Variants in RNF180 observed in about 807,000 individuals in gnomAD.
The protein encoded by RNF180 is E3 ubiquitin-protein ligase RNF180.
A neutral mutation model predicts 59.2 loss-of-function variants in RNF180; 38 were observed. The ratio of observed to expected loss-of-function variants is 0.64; its 90% CI spans 0.50 to 0.84. The LOEUF (loss-of-function observed/expected upper bound fraction) is 0.84, where lower values mean the gene tolerates loss of function less well. Ranked by LOEUF, RNF180 falls within the 40% of genes least tolerant of loss-of-function variation. RNF180 has a pLI of 0.00. For synonymous variants in RNF180, 262 were observed against 240.3 expected (o/e 1.09, Z -0.84); for missense variants, 705 against 700.9 (o/e 1.01, Z -0.07).
At chr5:64,172,044 G>A (rs762836635) in intron 1 of RNF180, among the ~76,000 whole-genome samples, 2 of 152,172 alleles carry the variant, frequency 1.3e-5, no homozygotes, top group Non-Finnish European at 2.9e-5. Context: ...TTTTATAACA[G>A]TAATGTCTTT....
intron 7 of RNF180, among the ~76,000 whole-genome samples, chr5:64,353,878 C>G (rs1372962364): frequency 6.6e-6 from 1 of 151,460 alleles, no homozygotes; most frequent in Non-Finnish European, 1.5e-5. Flanking sequence ...CCAGTTGGGT[C>G]AAAGAAGAAA....
rs944431959 is a variant in RNF180 at position 64,264,436 on chromosome 5, T to A, written c.1227+47040T>A. 4.0e-5 allele frequency among the ~76,000 whole-genome samples: 6 copies of A among 151,724 alleles called. No individual in the cohort carries two copies. In the South Asian group the frequency reaches 1.3e-3, roughly 32 times the overall value. On this transcript the variant is annotated intron_variant, in intron 5 of 7. Transcript: ENST00000389100. ...TGGTATTCCCCTCCCGGTGTCCATG[T>A]GTTCTCATTGTTCAGTTCCCACTTA...
chr5:64,214,010 A>C lies in RNF180; in HGVS notation c.684A>C (p.Ser228=). ...RCATRAFHRK[S]HSLDLNISEK... is the part of the protein sequence containing the mutation. ...CTACAAGAGCTTTTCATAGAAAATC[A>C]CATAGTTTGGATCTGAACATCAGTG... The change falls in exon 4 of 8, where the codon TCA becomes TCC. Residue 228 remains serine, a synonymous_variant. Transcript: ENST00000389100. 5.6e-6 allele frequency: 9 copies of C among 1,614,178 alleles called. No homozygotes were observed. The highest frequency in any genetic ancestry group is 6.8e-6 in the Non-Finnish European group (8 of 1,180,016).
chr5:64,251,646 G>A (rs527337724), intron 5 of RNF180, among the ~76,000 whole-genome samples: 2 of 152,134 alleles, frequency 1.3e-5, no homozygotes, highest in East Asian at 3.9e-4. Context: ...GGATGGTCTG[G>A]CCTCAGGCAA....
At position 64,213,690 on chromosome 5, in the gene RNF180, T is replaced by A. The variant is rs140094514; in HGVS notation, c.364T>A (p.Tyr122Asn). ...AVHLSKSRTDYQPTQAGRLMR... is the reference protein window; with the variant it reads ...AVHLSKSRTDNQPTQAGRLMR... ...ACATCTCTCCAAGAGCCGGACTGAT[T>A]ATCAGCCAACACAGGCAGGCAGACT... The change falls in exon 4 of 8, where the codon TAT becomes AAT. Residue 122 changes from tyrosine (Y) to asparagine (N), a missense_variant. Physicochemically the swap from Tyr to Asn is moderately radical, Grantham distance 143 (BLOSUM62 -2). Coordinates refer to ENST00000389100, the MANE Select transcript of RNF180 (RefSeq NM_001113561.2). 6.2e-6 allele frequency: 10 copies of A among 1,614,128 alleles called. No individual in the cohort carries two copies. The African/African-American group carries it at 1.1e-4, about 17-fold the overall frequency.
At chr5:64,270,204 G>A (rs766145942) in intron 5 of RNF180, among the ~76,000 whole-genome samples, 6 of 150,552 alleles carry the variant, frequency 4.0e-5, no homozygotes, top group Admixed American at 2.0e-4. Flanking sequence ...GGAGACTACC[G>A]TAATTGATAA....
At chr5:64,293,774 C>T (rs895479274) in intron 5 of RNF180, among the ~76,000 whole-genome samples, 1 of 152,062 alleles carries the variant, frequency 6.6e-6, no homozygotes, top group African/African-American at 2.4e-5. Flanking sequence ...TCAAAGAAAG[C>T]ACTGTTTCTT....
intron 5 of RNF180, among the ~76,000 whole-genome samples, chr5:64,229,982 CTT>C (rs1041311700): frequency 1.3e-5 from 2 of 152,108 alleles, no homozygotes; most frequent in Admixed American, 6.6e-5. Flanking sequence ...CTAATTATAC[CTT>C]TTTTTGTCCA....
intron 1 of RNF180, 36 bp from the exon 2 acceptor site, chr5:64,200,772 G>A (rs905288424): frequency 6.3e-7 from 1 of 1,587,268 alleles, no homozygotes; most frequent in African/African-American, 1.3e-5. Context: ...TTATCTGACA[G>A]TTTAACATTC....
rs1030597434 is a variant in RNF180 at position 64,371,121 on chromosome 5, A to G, written c.*1307A>G. On this transcript the variant is annotated 3_prime_UTR_variant, in exon 8 of 8. Transcript: ENST00000389100. ...TGGTATGTGATGTTCTAAGAAAACT[A>G]GAAGAATGGTACTGATTTCTATTCT... 6.6e-6 allele frequency: 1 copy of G among 151,688 alleles called. No homozygotes were observed. Among genetic ancestry groups the G allele is most frequent in the African/African-American group, 2.4e-5 (1 of 41,402 alleles). The allele number at this position is 151,688 out of a possible 1,614,324, so 9.4% of individuals were successfully genotyped here. A position where few individuals can be genotyped will look rare whatever the true frequency, so the allele number is the denominator to read the frequency against.
Position 64,210,031 on chromosome 5 carries a change from T to TA in RNF180, c.136-2033dup, listed in dbSNP as rs763950277. Reference sequence around the variant, plus strand: ...GAAAAGCTAGTCATGACTGAACTGTTATTGTAAATTAATCACTATTAGAAC... The same window carrying TA: ...GAAAAGCTAGTCATGACTGAACTGTTAATTGTAAATTAATCACTATTAGAAC... On this transcript the variant is annotated intron_variant, in intron 2 of 7. Coordinates refer to ENST00000389100, the MANE Select transcript of RNF180 (RefSeq NM_001113561.2). Among the ~76,000 whole-genome samples the TA allele has an allele frequency of 6.6e-4, 100 of 152,240 alleles. 1 individual carries two copies. Among genetic ancestry groups the TA allele is most frequent in the African/African-American group, 2.4e-3 (98 of 41,566 alleles).
intron 5 of RNF180, among the ~76,000 whole-genome samples, chr5:64,280,590 G>A (rs549383305): frequency 1.3e-5 from 2 of 149,720 alleles, no homozygotes; most frequent in Admixed American, 6.6e-5. Context: ...TTTTTTTGTC[G>A]ACTTTGTTGA....
intron 7 of RNF180, among the ~76,000 whole-genome samples, chr5:64,347,011 A>G (rs529490726): frequency 1.3e-5 from 2 of 152,344 alleles, no homozygotes; most frequent in East Asian, 3.9e-4. Flanking sequence ...AATAAAAGAG[A>G]CGAACAGTGT....
chr5:64,338,963 G>C (rs1745244058), intron 7 of RNF180, among the ~76,000 whole-genome samples: 1 of 151,988 alleles, frequency 6.6e-6, no homozygotes. Flanking sequence ...TTATTTATGA[G>C]TAAAATTGTA....
chr5:64,259,857 G>T (rs904291786), intron 5 of RNF180, among the ~76,000 whole-genome samples: 2 of 152,026 alleles, frequency 1.3e-5, no homozygotes, highest in Non-Finnish European at 2.9e-5. Context: ...GGAGGCGGAG[G>T]TTGTGGTGAG....
chr5:64,268,245 C>T (rs1228215369), intron 5 of RNF180, among the ~76,000 whole-genome samples: 1 of 152,110 alleles, frequency 6.6e-6, no homozygotes, highest in Non-Finnish European at 1.5e-5. Flanking sequence ...TTACAATAGA[C>T]ACAGCAGCAG....
At chr5:64,256,646 G>C (rs529420943) in intron 5 of RNF180, among the ~76,000 whole-genome samples, 122 of 152,284 alleles carry the variant, frequency 8.0e-4, no homozygotes, top group East Asian at 6.2e-3. Context: ...GATGCCTCCA[G>C]CTTTGTTCTT....
At chr5:64,317,866 C>G (rs1744144404) in intron 5 of RNF180, among the ~76,000 whole-genome samples, 1 of 152,128 alleles carries the variant, frequency 6.6e-6, no homozygotes, top group Non-Finnish European at 1.5e-5. Flanking sequence ...GTTGCTTAGC[C>G]TAGCCTACCT....
At chr5:64,325,715 A>G (rs962513016) in intron 6 of RNF180, among the ~76,000 whole-genome samples, 2 of 152,112 alleles carry the variant, frequency 1.3e-5, no homozygotes, top group African/African-American at 4.8e-5. Flanking sequence ...TTGATTATTT[A>G]TTCCTCATAT....
Sources: gnomAD v4.1 joint callset for allele counts (sites outside exome capture counted in the v4.1 genomes callset) on GRCh38, gnomAD v4.1.1 for gene constraint, MANE v1.5 for transcripts, NCBI Gene and HGNC (gene_info 2026-07-23, HGNC 2026-07-21) for gene names.